SERGEF: variants seen among roughly 807,000 people sequenced by gnomAD.
SERGEF encodes secretion regulating guanine nucleotide exchange factor.
SERGEF carries 51 observed loss-of-function variants against 50.0 expected under a neutral mutation model. The ratio of observed to expected loss-of-function variants is 1.02; its 90% CI spans 0.81 to 1.29. The LOEUF is 1.29. Ranked by LOEUF, SERGEF falls within the 50% of genes most tolerant of loss-of-function variation. The probability of loss-of-function intolerance (pLI) is 0.00; values close to 1 mark genes in which losing one functional copy is unlikely to be tolerated. For missense variants in SERGEF, 521 were observed against 557.0 expected, an observed-to-expected ratio of 0.94 and a Z score of 0.65; for synonymous variants, 205 against 212.4, an observed-to-expected ratio of 0.97 and a Z score of 0.30.
intron 9 of SERGEF, among the ~76,000 whole-genome samples, chr11:17,885,610 C>T (rs550053472): frequency 1.5e-3 from 221 of 152,162 alleles, no homozygotes; most frequent in South Asian, 6.2e-3. Flanking sequence ...AGGCATGACC[C>T]ACCGTACATG....
chr11:17,939,825 T>C (rs767819128), intron 9 of SERGEF, among the ~76,000 whole-genome samples: 3 of 152,218 alleles, frequency 2.0e-5, no homozygotes, highest in Admixed American at 6.5e-5. Context: ...TGTTCTATTC[T>C]AGACTTGGCC....
chr11:18,010,089 TC>T (rs1475475174), intron 1 of SERGEF: 1 of 1,247,642 alleles, frequency 8.0e-7, no homozygotes, highest in African/African-American at 1.5e-5. Context: ...AGCTGGTTCT[TC>T]CTGGAGATGA....
intron 9 of SERGEF, among the ~76,000 whole-genome samples, chr11:17,941,262 G>A (rs1852557738): frequency 6.6e-6 from 1 of 152,148 alleles, no homozygotes; most frequent in Non-Finnish European, 1.5e-5. Context: ...CCATTTTTAA[G>A]TGTACAGTTC....
At chr11:18,008,701 T>A in intron 1 of SERGEF, among the ~76,000 whole-genome samples, 1 of 151,746 alleles carries the variant, frequency 6.6e-6, no homozygotes, top group South Asian at 2.1e-4. Context: ...TTCTCTTCTC[T>A]AGAGAGAGTT....
intron 9 of SERGEF, among the ~76,000 whole-genome samples, chr11:17,954,754 C>T (rs1024826163): frequency 2.6e-5 from 4 of 152,162 alleles, no homozygotes; most frequent in Admixed American, 6.5e-5. Flanking sequence ...CTGAACCAAA[C>T]GTGGGCAGAA....
intron 9 of SERGEF, among the ~76,000 whole-genome samples, chr11:17,894,474 T>C (rs945789667): frequency 6.6e-6 from 1 of 152,216 alleles, no homozygotes; most frequent in Non-Finnish European, 1.5e-5. Context: ...CTTCCTCCTC[T>C]GGGTCCTGCT....
At chr11:17,832,067 A>G (rs1407443899) in intron 10 of SERGEF, among the ~76,000 whole-genome samples, 1 of 152,166 alleles carries the variant, frequency 6.6e-6, no homozygotes, top group Non-Finnish European at 1.5e-5. Flanking sequence ...ACCATCATTA[A>G]CTAGTTGTCT....
intron 10 of SERGEF, among the ~76,000 whole-genome samples, chr11:17,816,540 G>C (rs1003096034): frequency 1.3e-5 from 2 of 152,312 alleles, no homozygotes; most frequent in Middle Eastern, 3.4e-3. Flanking sequence ...TGCCTCAAAG[G>C]CATGGCCTCC....
chr11:17,819,509 A>G (rs1033436706), intron 10 of SERGEF, among the ~76,000 whole-genome samples: 1 of 152,262 alleles, frequency 6.6e-6, no homozygotes, highest in South Asian at 2.1e-4. Flanking sequence ...TTGGAAAGCT[A>G]AAGTGCCTCA....
At position 17,888,289 on chromosome 11, in the gene SERGEF, C is replaced by A. The variant is rs7115158; in HGVS notation, c.1012-10045G>T. Among the ~76,000 whole-genome samples, 21,546 of 152,070 alleles carry A rather than the reference C, an allele frequency of 0.14. 1,856 individuals carry two copies. Among genetic ancestry groups the A allele is most frequent in the Middle Eastern group, 0.27 (78 of 294 alleles). The stretch of plus-strand genomic sequence containing the variant: ...TAATAATATGAAACTCAAAAGTAGG[C>A]AAAACTGATTTCAAATAAATAATAT... On this transcript the variant is annotated intron_variant, in intron 9 of 10. Transcript: ENST00000265965. The surrounding 1 kb of genome is among the most constrained non-coding windows in gnomAD (Gnocchi z 4.1).
intron 10 of SERGEF, among the ~76,000 whole-genome samples, chr11:17,866,331 T>C (rs1262825460): frequency 2.6e-5 from 4 of 152,238 alleles, no homozygotes; most frequent in African/African-American, 9.6e-5. Flanking sequence ...TCAGCCATTG[T>C]GTTACAATTG....
At position 17,983,300 on chromosome 11, in the gene SERGEF, G is replaced by A. The variant is rs142322558; in HGVS notation, c.844+5297C>T. 5.8e-3 allele frequency among the ~76,000 whole-genome samples: 880 copies of A among 152,284 alleles called. 8 individuals are homozygous for A. Among genetic ancestry groups the A allele is most frequent in the African/African-American group, 0.02 (833 of 41,548 alleles). ...CGTCAGCAACCAGCACTTGTAACCA[G>A]CATTTGTAAGCACTGATCTTTCTGC... is the stretch of plus-strand genomic sequence containing the variant. On this transcript the variant is annotated intron_variant, in intron 8 of 10. Coordinates refer to ENST00000265965, the MANE Select transcript of SERGEF (RefSeq NM_012139.4).
At chr11:17,920,225 C>A (rs1357813292) in intron 9 of SERGEF, among the ~76,000 whole-genome samples, 2 of 152,134 alleles carry the variant, frequency 1.3e-5, no homozygotes, top group Non-Finnish European at 2.9e-5. Flanking sequence ...CCAGCCTGGG[C>A]AATAGAGCGA....
intron 10 of SERGEF, among the ~76,000 whole-genome samples, chr11:17,827,658 T>C (rs1175300058): frequency 6.6e-6 from 1 of 152,194 alleles, no homozygotes; most frequent in Non-Finnish European, 1.5e-5. Context: ...CACTGAATCT[T>C]GCCCTCCAGA....
At chr11:17,855,560 C>T (rs1426216876) in intron 10 of SERGEF, 2 of 152,170 alleles carry the variant, frequency 1.3e-5, no homozygotes, top group African/African-American at 4.8e-5. Flanking sequence ...CATGGACACA[C>T]TGGACAAAGA....
intron 10 of SERGEF, chr11:17,855,007 C>T (rs536102391): frequency 3.9e-5 from 6 of 152,340 alleles, no homozygotes; most frequent in East Asian, 1.9e-4. Flanking sequence ...ATTCACTCAA[C>T]GTTGCATTGC....
At chr11:17,965,194 G>A (rs375004896) in intron 8 of SERGEF, among the ~76,000 whole-genome samples, 9 of 152,292 alleles carry the variant, frequency 5.9e-5, no homozygotes, top group African/African-American at 2.2e-4. Context: ...ATGATAGTGA[G>A]TTCTCATGAG....
intron 9 of SERGEF, among the ~76,000 whole-genome samples, chr11:17,919,541 TCCAA>T (rs1852115004): frequency 6.6e-6 from 1 of 152,114 alleles, no homozygotes; most frequent in South Asian, 2.1e-4. Context: ...GGTAACAGAC[TCCAA>T]ACCATTTGAA....
At position 18,000,732 on chromosome 11, in the gene SERGEF, A is replaced by C. The variant is rs941456585; in HGVS notation, c.448-175T>G. 9.9e-6 allele frequency: 7 copies of C among 705,758 alleles called. No individual in the cohort carries two copies. The African/African-American group carries it at 1.2e-4, about 12-fold the overall frequency. The allele number at this position is 705,758 out of a possible 1,614,324, so 43.7% of individuals were successfully genotyped here. A position where few individuals can be genotyped will look rare whatever the true frequency, so the allele number is the denominator to read the frequency against. ...ACCTCTACATTTATCCCTAAAAGAA[A>C]AAAATATATCTTTTAAAATACCATA... On this transcript the variant is annotated intron_variant, in intron 4 of 10. Coordinates refer to ENST00000265965, the MANE Select transcript of SERGEF (RefSeq NM_012139.4).
Sources: gnomAD v4.1 joint callset for allele counts (sites outside exome capture counted in the v4.1 genomes callset) on GRCh38, gnomAD v4.1.1 for gene constraint, Gnocchi (gnomAD v3.1) non-coding constraint, MANE v1.5 for transcripts, NCBI Gene and HGNC (gene_info 2026-07-23, HGNC 2026-07-21) for gene names.